PPP1R13B: variants seen among roughly 807,000 people sequenced by gnomAD.
The protein encoded by PPP1R13B is apoptosis-stimulating of p53 protein 1.
Under a neutral mutation model 119.8 loss-of-function variants are expected in PPP1R13B, and 44 were observed. The observed-to-expected ratio is 0.37, with a 90% CI of 0.29 to 0.47. PPP1R13B has a LOEUF of 0.47. PPP1R13B is among the 20% of genes least tolerant of loss of function. The pLI, the probability that PPP1R13B is intolerant of heterozygous loss-of-function variation, is 0.99. For synonymous variants in PPP1R13B, 542 were observed against 561.5 expected (o/e 0.97, Z 0.49); for missense variants, 1,227 against 1,413.5 (o/e 0.87, Z 2.12).
At chr14:103,746,264 G>A (rs986960215) in intron 9 of PPP1R13B, 109 bp downstream of exon 9, 99 of 1,081,238 alleles carry the variant, frequency 9.2e-5, no homozygotes, top group Non-Finnish European at 1.2e-4. Context: ...GGAGTCTGAC[G>A]ATGTGTGGGG....
intron 1 of PPP1R13B, among the ~76,000 whole-genome samples, chr14:103,800,675 A>G (rs1272293463): frequency 6.6e-6 from 1 of 151,934 alleles, no homozygotes; most frequent in African/African-American, 2.4e-5. Flanking sequence ...AAAACAAAAA[A>G]CAAAAAAAAA....
intron 3 of PPP1R13B, among the ~76,000 whole-genome samples, chr14:103,782,297 A>G (rs887783345): frequency 4.6e-5 from 7 of 152,160 alleles, no homozygotes; most frequent in African/African-American, 1.7e-4. Flanking sequence ...TGTTTAGGAG[A>G]TGGTCTGGGT....
intron 4 of PPP1R13B, among the ~76,000 whole-genome samples, chr14:103,760,957 T>C (rs2084789764): frequency 6.6e-6 from 1 of 152,196 alleles, no homozygotes; most frequent in South Asian, 2.1e-4. Context: ...TATTTGTCTC[T>C]CCAAATATTA....
intron 15 of PPP1R13B, 43 bp from the exon 16 acceptor site, chr14:103,736,245 C>A: frequency 1.3e-6 from 2 of 1,591,648 alleles, no homozygotes; most frequent in East Asian, 2.2e-5. Flanking sequence ...AGAGGGTGGC[C>A]TGCAGCAAGG....
Position 103,736,025 on chromosome 14 carries a change from T to C in PPP1R13B, c.3209A>G (p.Tyr1070Cys), listed in dbSNP as rs191243228. ...CACCCCCAGCAGGTTTTTGGGCACA[T>C]AGCCCTCCCGGTCTCCAAGGCGAGC... ...WWARLGDREGYVPKNLLGLYP... is the reference protein window; with the variant it reads ...WWARLGDREGCVPKNLLGLYP... The change falls in exon 16 of 17, where the codon TAT becomes TGT. Residue 1070 changes from tyrosine (Y) to cysteine (C), a missense_variant. Coordinates refer to ENST00000202556, the MANE Select transcript of PPP1R13B (RefSeq NM_015316.3). 28 of 1,614,178 alleles carry C rather than the reference T, an allele frequency of 1.7e-5. No homozygotes were observed. In the Admixed American group the frequency reaches 2.5e-4, roughly 14 times the overall value.
chr14:103,816,318 C>T (rs59646135), intron 1 of PPP1R13B, among the ~76,000 whole-genome samples: 19 of 151,004 alleles, frequency 1.3e-4, no homozygotes, highest in Non-Finnish European at 2.5e-4. Flanking sequence ...CCACCACCCC[C>T]GGCTAATTTT....
Position 103,739,517 on chromosome 14 carries a change from G to A in PPP1R13B, c.2592+307C>T, listed in dbSNP as rs140139798. The stretch of plus-strand genomic sequence containing the variant: ...CCTTTGTCTAGATGCTTCTTCCCTC[G>A]TCTCTCTACAGGACCTTCAGGTGCC... On this transcript the variant is annotated intron_variant, in intron 12 of 16. Transcript: ENST00000202556. Among the ~76,000 whole-genome samples, 500 of 152,210 alleles carry A rather than the reference G, an allele frequency of 3.3e-3. 3 individuals are homozygous for A. The highest frequency in any genetic ancestry group is 7.5e-3 in the South Asian group (36 of 4,826).
At chr14:103,813,601 G>A (rs1336400820) in intron 1 of PPP1R13B, among the ~76,000 whole-genome samples, 1 of 152,206 alleles carries the variant, frequency 6.6e-6, no homozygotes, top group Admixed American at 6.5e-5. Context: ...CGCCATGATT[G>A]TAAGTTCCTG....
intron 7 of PPP1R13B, among the ~76,000 whole-genome samples, chr14:103,750,988 T>C (rs140502185): frequency 6.6e-6 from 1 of 151,676 alleles, no homozygotes; most frequent in East Asian, 1.9e-4. Context: ...ACTCCGTCTC[T>C]AATAAAAATA....
chr14:103,759,856 TTTTA>T (rs2084763710), intron 4 of PPP1R13B, among the ~76,000 whole-genome samples: 1 of 152,240 alleles, frequency 6.6e-6, no homozygotes, highest in African/African-American at 2.4e-5. Flanking sequence ...CCAAAAAGTA[TTTTA>T]TTTGCCAATA....
intron 4 of PPP1R13B, chr14:103,762,931 C>A: frequency 1.0e-6 from 1 of 952,836 alleles, no homozygotes; most frequent in Non-Finnish European, 1.7e-6. Context: ...TTGTTGCTGT[C>A]CCCGTCTACA....
At chr14:103,808,256 T>A (rs1214800613) in intron 1 of PPP1R13B, among the ~76,000 whole-genome samples, 3 of 150,164 alleles carry the variant, frequency 2.0e-5, no homozygotes, top group Admixed American at 1.3e-4. Context: ...AAAAAAAAAA[T>A]TAGTGTGAAA....
intron 1 of PPP1R13B, among the ~76,000 whole-genome samples, chr14:103,816,315 C>T (rs57695721): frequency 1.3e-5 from 2 of 150,854 alleles, no homozygotes; most frequent in African/African-American, 2.4e-5. Flanking sequence ...GTGCCACCAC[C>T]CCCGGCTAAT....
chr14:103,797,179 C>T, intron 2 of PPP1R13B, 192 bp downstream of exon 2: 1 of 466,754 alleles, frequency 2.1e-6, no homozygotes, highest in East Asian at 3.6e-5. Flanking sequence ...TTTAATTACT[C>T]AGTTCTTTAT....
At chr14:103,812,227 G>A (rs554021745) in intron 1 of PPP1R13B, among the ~76,000 whole-genome samples, 203 of 144,248 alleles carry the variant, frequency 1.4e-3, no homozygotes, top group Non-Finnish European at 2.0e-3. Flanking sequence ...GGGTTCAAGC[G>A]ATTCTCCCGC....
chr14:103,735,854 C>G, intron 16 of PPP1R13B, 149 bp downstream of exon 16: 1 of 862,492 alleles, frequency 1.2e-6, no homozygotes, highest in Non-Finnish European at 1.8e-6. Flanking sequence ...CATGCCAGCT[C>G]TGCCAAGTAG....
intron 4 of PPP1R13B, chr14:103,759,175 G>A (rs1018749193): frequency 2.0e-5 from 3 of 152,068 alleles, no homozygotes; most frequent in African/African-American, 7.2e-5. Context: ...GGCCAGGCTG[G>A]TCTTGAACTC....
intron 1 of PPP1R13B, 194 bp downstream of exon 1, chr14:103,847,105 G>A: frequency 1.0e-6 from 1 of 985,794 alleles, no homozygotes; most frequent in Non-Finnish European, 1.2e-6. Context: ...CCCCGGCCCC[G>A]CGCTGACAGC....
At chr14:103,754,617 A>G (rs1462233488) in intron 5 of PPP1R13B, among the ~76,000 whole-genome samples, 1 of 151,924 alleles carries the variant, frequency 6.6e-6, no homozygotes, top group African/African-American at 2.4e-5. Context: ...TATATACTCA[A>G]AAAGAAAAAT....
Sources: gnomAD v4.1 joint callset for allele counts (sites outside exome capture counted in the v4.1 genomes callset) on GRCh38, gnomAD v4.1.1 for gene constraint, MANE v1.5 for transcripts, NCBI Gene and HGNC (gene_info 2026-07-23, HGNC 2026-07-21) for gene names.